Variants in CAP2 observed in about 807,000 individuals in gnomAD.
CAP2 encodes the protein cyclase associated actin cytoskeleton regulatory protein 2.
In CAP2, 24 loss-of-function variants were observed where a neutral mutation model predicts 57.7. The observed-to-expected ratio is 0.42, with a 90% CI of 0.30 to 0.58. The LOEUF (loss-of-function observed/expected upper bound fraction) is 0.58. Among genes scored for constraint, CAP2 ranks in the 20% least tolerant of loss-of-function variants. CAP2 has a pLI of 0.22. For missense variants in CAP2, 501 were observed against 590.3 expected (o/e 0.85, Z 1.57); for synonymous variants, 194 against 207.2 (o/e 0.94, Z 0.55).
intron 7 of CAP2, among the ~76,000 whole-genome samples, chr6:17,523,928 G>T (rs1043005428): frequency 1.3e-5 from 2 of 152,136 alleles, no homozygotes; most frequent in African/African-American, 4.8e-5. Context: ...ACAAAAATTA[G>T]CTGGGCGTGG....
At chr6:17,525,853 A>G (rs1363541038) in intron 7 of CAP2, among the ~76,000 whole-genome samples, 1 of 152,160 alleles carries the variant, frequency 6.6e-6, no homozygotes, top group African/African-American at 2.4e-5. Context: ...CTGGGAGCCA[A>G]GTGCCTGCCA....
chr6:17,512,636 C>G (rs184955981), intron 6 of CAP2, among the ~76,000 whole-genome samples: 7 of 152,232 alleles, frequency 4.6e-5, no homozygotes, highest in African/African-American at 1.7e-4. Flanking sequence ...CAAGAGAGAC[C>G]GTTGGAGCTA....
At chr6:17,503,698 A>G (rs114456398) in intron 4 of CAP2, among the ~76,000 whole-genome samples, 3,766 of 151,842 alleles carry the variant, frequency 0.025, 94 homozygotes, top group Non-Finnish European at 0.035. Flanking sequence ...TAAAGACCCT[A>G]TCTTCAAATA....
intron 3 of CAP2, among the ~76,000 whole-genome samples, chr6:17,434,061 A>C (rs1561781793): frequency 1.3e-5 from 2 of 152,180 alleles, no homozygotes; most frequent in African/African-American, 2.4e-5. Flanking sequence ...TACCTTGCTG[A>C]AACAACGAGT....
At chr6:17,499,962 C>G (rs1408303518) in intron 4 of CAP2, among the ~76,000 whole-genome samples, 1 of 151,758 alleles carries the variant, frequency 6.6e-6, no homozygotes, top group East Asian at 1.9e-4. Flanking sequence ...ACCATCAAGT[C>G]TTATAAAGAT....
chr6:17,417,911 C>T (rs1166827074), intron 1 of CAP2, among the ~76,000 whole-genome samples: 1 of 152,220 alleles, frequency 6.6e-6, no homozygotes, highest in African/African-American at 2.4e-5. Context: ...CTGGCTCTGA[C>T]TCATTCCTTA....
At chr6:17,394,413 A>C (rs745481264) in intron 1 of CAP2, among the ~76,000 whole-genome samples, 5 of 152,134 alleles carry the variant, frequency 3.3e-5, no homozygotes, top group Non-Finnish European at 7.4e-5. Flanking sequence ...TTTTAGGGCC[A>C]AAAATCAACC....
At chr6:17,435,681 T>TAAAAAA (rs71002211) in intron 3 of CAP2, among the ~76,000 whole-genome samples, 19 of 67,406 alleles carry the variant, frequency 2.8e-4, no homozygotes, top group East Asian at 1.3e-3. Flanking sequence ...TAGAGTATAA[T>TAAAAAA]AAAAAAAAAA....
At chr6:17,525,167 T>G (rs1017769085) in intron 7 of CAP2, among the ~76,000 whole-genome samples, 2 of 152,010 alleles carry the variant, frequency 1.3e-5, no homozygotes, top group African/African-American at 4.8e-5. Flanking sequence ...CCTCCCAAAG[T>G]GCTGGGATTA....
chr6:17,540,987 A>G lies in CAP2; in HGVS notation c.841A>G (p.Thr281Ala), dbSNP rs775895692. Reference sequence around the variant, plus strand: ...TGTCCTCCTAGGGCTCCGCCATGTCACAGATGACCAGAAGACATACAAAAA... The same window carrying G: ...TGTCCTCCTAGGGCTCCGCCATGTCGCAGATGACCAGAAGACATACAAAAA... ...EAITKGLRHV[T>A]DDQKTYKNPS... The change falls in exon 9 of 13, where the codon ACA becomes GCA. Residue 281 changes from threonine (T) to alanine (A), a missense_variant. Coordinates refer to ENST00000229922, the MANE Select transcript of CAP2 (RefSeq NM_006366.3). 8 of 1,613,736 alleles carry G rather than the reference A, an allele frequency of 5.0e-6. No homozygotes were observed. The Admixed American group carries it at 5.0e-5, about 10-fold the overall frequency.
At chr6:17,467,817 C>A (rs1760908398) in intron 4 of CAP2, among the ~76,000 whole-genome samples, 1 of 152,174 alleles carries the variant, frequency 6.6e-6, no homozygotes, top group African/African-American at 2.4e-5. Flanking sequence ...GCCACAGCAC[C>A]CGGCCTACTC....
At chr6:17,477,423 C>T (rs920390664) in intron 4 of CAP2, among the ~76,000 whole-genome samples, 4 of 152,200 alleles carry the variant, frequency 2.6e-5, no homozygotes, top group Non-Finnish European at 5.9e-5. Context: ...GTGCTCATAA[C>T]GAGTGCTCAA....
chr6:17,553,414 A>C (rs1763218629), intron 12 of CAP2, among the ~76,000 whole-genome samples: 1 of 152,140 alleles, frequency 6.6e-6, no homozygotes, highest in African/African-American at 2.4e-5. Flanking sequence ...CGGGCAGATC[A>C]CGAGCTCAGG....
chr6:17,439,666 C>T (rs989813289), intron 3 of CAP2, among the ~76,000 whole-genome samples: 1 of 151,514 alleles, frequency 6.6e-6, no homozygotes, highest in Non-Finnish European at 1.5e-5. Flanking sequence ...ATTATATTCT[C>T]GTAAGGAGCA....
At chr6:17,456,351 A>G (rs1194155146) in intron 3 of CAP2, among the ~76,000 whole-genome samples, 2 of 152,230 alleles carry the variant, frequency 1.3e-5, no homozygotes, top group African/African-American at 4.8e-5. Flanking sequence ...GTTCATGTTT[A>G]CAAAATCAAG....
chr6:17,465,901 AG>A (rs1760852533), intron 4 of CAP2, among the ~76,000 whole-genome samples: 2 of 152,126 alleles, frequency 1.3e-5, no homozygotes, highest in South Asian at 4.1e-4. Flanking sequence ...TTCCCTGGGA[AG>A]CCCCAGGGGC....
intron 7 of CAP2, among the ~76,000 whole-genome samples, chr6:17,515,070 C>T (rs552974617): frequency 2.6e-5 from 4 of 151,570 alleles, no homozygotes; most frequent in East Asian, 3.9e-4. Context: ...TGGTGGTGCA[C>T]GCCATAATCC....
intron 7 of CAP2, among the ~76,000 whole-genome samples, chr6:17,537,980 T>C (rs1486334432): frequency 6.6e-6 from 1 of 152,044 alleles, no homozygotes; most frequent in Non-Finnish European, 1.5e-5. Context: ...GGCAGGAGAA[T>C]TGCTTGAACC....
At chr6:17,473,760 A>G (rs761517463) in intron 4 of CAP2, among the ~76,000 whole-genome samples, 8 of 152,160 alleles carry the variant, frequency 5.3e-5, no homozygotes, top group Non-Finnish European at 1.2e-4. Context: ...GTCATGTTCT[A>G]TATTTGTATG....
Sources: allele counts gnomAD v4.1 joint callset (sites outside exome capture counted in the v4.1 genomes callset), GRCh38; gene constraint gnomAD v4.1.1; transcripts MANE v1.5; gene names NCBI Gene and HGNC (gene_info 2026-07-23, HGNC 2026-07-21).